Variants in RARS2 observed in about 807,000 individuals in gnomAD.
RARS2 encodes arginyl-tRNA synthetase 2, mitochondrial, also known as probable arginine--tRNA ligase, mitochondrial.
Under a neutral mutation model 88.5 loss-of-function variants are expected in RARS2, and 67 were observed. The observed-to-expected ratio is 0.76, with a 90% CI of 0.62 to 0.93. RARS2 has a LOEUF of 0.93. RARS2 is among the 40% of genes least tolerant of loss of function. The pLI, the probability that RARS2 is intolerant of heterozygous loss-of-function variation, is 0.00. For missense variants in RARS2, 664 were observed against 684.2 expected (o/e 0.97, Z 0.33); for synonymous variants, 239 against 230.3 (o/e 1.04, Z -0.34).
chr6:87,589,906 G>C lies in RARS2; in HGVS notation c.36+16C>G, dbSNP rs772141470. ...TAGCTCCTCAGGGACTCCTCTGCGC[G>C]CTCCGGGATCCATACCTGGCAAGCA... On this transcript the variant is annotated intron_variant, in intron 1 of 19. Transcript: ENST00000369536. 6.2e-7 allele frequency: 1 copy of C among 1,614,230 alleles called. No individual in the cohort carries two copies. The highest frequency in any genetic ancestry group is 8.5e-7 in the Non-Finnish European group (1 of 1,180,044).
intron 8 of RARS2, among the ~76,000 whole-genome samples, chr6:87,539,127 A>G (rs1780117612): frequency 6.6e-6 from 1 of 152,224 alleles, no homozygotes; most frequent in Non-Finnish European, 1.5e-5. Flanking sequence ...TTGCAAGATT[A>G]AATAAAAACT....
intron 2 of RARS2, 50 bp from the exon 3 acceptor site, chr6:87,564,282 G>A (rs114050423): frequency 1.5e-6 from 2 of 1,332,244 alleles, no homozygotes; most frequent in African/African-American, 2.9e-5. Context: ...AAAAGCATTA[G>A]TTGTTAAACA....
In RARS2 at chr6:87,541,938, G is replaced by T; in HGVS notation, c.592C>A (p.Pro198Thr). The change falls in exon 8 of 20, where the codon CCT becomes ACT. Residue 198 changes from proline (P) to threonine (T), a missense_variant. Physicochemically the swap from Pro to Thr is conservative, Grantham distance 38. Transcript: ENST00000369536. Reference sequence around the variant, plus strand: ...CTTACTTCAAAGAGATGCTGTAGAGGATTGGACTGCAGTTTTTCCTCATAG... The same window carrying T: ...CTTACTTCAAAGAGATGCTGTAGAGTATTGGACTGCAGTTTTTCCTCATAG... ...FGYEEKLQSN[P>T]LQHLFEVYVQ... 6.2e-7 allele frequency: 1 copy of T among 1,613,282 alleles called. No individual in the cohort carries two copies. The highest frequency in any genetic ancestry group is 1.1e-5 in the South Asian group (1 of 91,052).
chr6:87,561,162 A>G (rs1787741783), intron 4 of RARS2, among the ~76,000 whole-genome samples: 2 of 152,200 alleles, frequency 1.3e-5, no homozygotes, highest in Non-Finnish European at 2.9e-5. Context: ...AAGCTTGAGA[A>G]AAGAAAAATA....
intron 1 of RARS2, among the ~76,000 whole-genome samples, chr6:87,578,110 C>CG (rs1011794933): frequency 2.7e-5 from 4 of 145,810 alleles, no homozygotes; most frequent in African/African-American, 1.0e-4. Context: ...TAGCGAGACC[C>CG]CCCCCCCCGC....
In RARS2 at chr6:87,516,797, A is replaced by AT. The variant is rs1251263116; in HGVS notation, c.1586+8dup. 1 of 1,613,068 alleles carries AT rather than the reference A, an allele frequency of 6.2e-7. No homozygotes were observed. Among genetic ancestry groups the AT allele is most frequent in the African/African-American group, 1.3e-5 (1 of 74,928 alleles). ...ATTAACACCTGAAAACAGGAAGATT[A>AT]TAAAGTACCTTAAAGTTAGAAGGTA... On this transcript the variant is annotated intron_variant, in intron 18 of 19. Coordinates refer to ENST00000369536, the MANE Select transcript of RARS2 (RefSeq NM_020320.5).
Position 87,549,469 on chromosome 6 carries a change from T to C in RARS2, c.396-823A>G, listed in dbSNP as rs139267212. Among the ~76,000 whole-genome samples, 919 of 151,904 alleles carry C rather than the reference T, an allele frequency of 6.0e-3. 2 individuals carry two copies. Among genetic ancestry groups the C allele is most frequent in the South Asian group, 0.023 (111 of 4,816 alleles). ...AGAAGGCTAAAGTAGAACGGTAGCT[T>C]GGGCCCAGGAGCTCAAAGTTACAGT... is the stretch of plus-strand genomic sequence containing the variant. On this transcript the variant is annotated intron_variant, in intron 5 of 19. Transcript: ENST00000369536.
chr6:87,526,058 A>G (rs1775584785), intron 10 of RARS2, among the ~76,000 whole-genome samples: 1 of 152,228 alleles, frequency 6.6e-6, no homozygotes, highest in African/African-American at 2.4e-5. Flanking sequence ...GATTGGAAAA[A>G]TCAATATTTA....
At chr6:87,538,417 A>T (rs144205817) in intron 8 of RARS2, among the ~76,000 whole-genome samples, 281 of 152,302 alleles carry the variant, frequency 1.8e-3, no homozygotes, top group Non-Finnish European at 3.0e-3. Context: ...ATAACCTCTA[A>T]CATAGATGTT....
chr6:87,559,213 A>G (rs1305308916), intron 4 of RARS2, among the ~76,000 whole-genome samples: 3 of 152,156 alleles, frequency 2.0e-5, no homozygotes, highest in Non-Finnish European at 4.4e-5. Flanking sequence ...AATAGAAGAA[A>G]AAAGTTTAAA....
intron 1 of RARS2, among the ~76,000 whole-genome samples, chr6:87,588,350 C>A (rs943766816): frequency 1.3e-5 from 2 of 152,114 alleles, no homozygotes; most frequent in African/African-American, 4.8e-5. Context: ...CATGAGAAAT[C>A]TATTAGCTTT....
chr6:87,532,034 A>G (rs948115095), intron 8 of RARS2, among the ~76,000 whole-genome samples: 40 of 152,298 alleles, frequency 2.6e-4, no homozygotes, highest in African/African-American at 9.1e-4. Context: ...TGGATAGGAA[A>G]AAATGATTTT....
intron 16 of RARS2, 35 bp downstream of exon 16, chr6:87,518,595 G>C: frequency 6.4e-7 from 1 of 1,570,022 alleles, no homozygotes; most frequent in Non-Finnish European, 8.8e-7. Flanking sequence ...AGTAAGCACA[G>C]TGCAGCACAA....
intron 8 of RARS2, among the ~76,000 whole-genome samples, chr6:87,536,527 C>T (rs1375683347): frequency 6.6e-6 from 1 of 151,666 alleles, no homozygotes. Context: ...ATCCCAGCTA[C>T]TCAGGAGGCT....
intron 1 of RARS2, among the ~76,000 whole-genome samples, chr6:87,583,644 G>A (rs1477878129): frequency 1.3e-5 from 2 of 150,142 alleles, no homozygotes; most frequent in Non-Finnish European, 1.5e-5. Context: ...AAAATGAAAA[G>A]CAAGTAAGAA....
chr6:87,535,495 C>T (rs962298835), intron 8 of RARS2, among the ~76,000 whole-genome samples: 6 of 151,990 alleles, frequency 3.9e-5, no homozygotes, highest in Middle Eastern at 6.8e-3. Context: ...AAAACTATTA[C>T]GTAAATTATC....
In RARS2 at chr6:87,544,610, T is replaced by C. The variant is rs113857614; in HGVS notation, c.535+1006A>G. Among the ~76,000 whole-genome samples, 960 of 151,868 alleles carry C rather than the reference T, an allele frequency of 6.3e-3. 15 individuals carry two copies. The highest frequency in any genetic ancestry group is 0.022 in the African/African-American group (914 of 41,420). On this transcript the variant is annotated intron_variant, in intron 7 of 19. Coordinates refer to ENST00000369536, the MANE Select transcript of RARS2 (RefSeq NM_020320.5). ...AAATACACATGGTGGTAACAACAGA[T>C]TTTTTTTTAAGTTTGTATTTCACAA...
chr6:87,569,375 G>C (rs1337496637), intron 2 of RARS2, 142 bp downstream of exon 2: 4 of 669,276 alleles, frequency 6.0e-6, no homozygotes, highest in Non-Finnish European at 8.0e-6. Context: ...GGAGTAATAG[G>C]CTGAGTATAA....
intron 6 of RARS2, among the ~76,000 whole-genome samples, chr6:87,546,648 G>A (rs1350050062): frequency 6.6e-6 from 1 of 152,184 alleles, no homozygotes; most frequent in Non-Finnish European, 1.5e-5. Context: ...GCAGTTTTGG[G>A]AGTTATTTAT....
Sources: gnomAD v4.1 joint callset for allele counts (sites outside exome capture counted in the v4.1 genomes callset) on GRCh38, gnomAD v4.1.1 for gene constraint, MANE v1.5 for transcripts, NCBI Gene and HGNC (gene_info 2026-07-23, HGNC 2026-07-21) for gene names.